Variants in SNTB1 observed in about 807,000 individuals in gnomAD.
The protein encoded by SNTB1 is syntrophin beta 1, also known as beta-1-syntrophin.
Under a neutral mutation model 48.9 loss-of-function variants are expected in SNTB1, and 36 were observed. The ratio of observed to expected loss-of-function variants is 0.74; its 90% CI spans 0.56 to 0.97. The LOEUF (loss-of-function observed/expected upper bound fraction) is 0.97. SNTB1 is among the 50% of genes least tolerant of loss of function. The pLI, the probability that SNTB1 is intolerant of heterozygous loss-of-function variation, is 0.00. For synonymous variants in SNTB1, 299 were observed against 294.6 expected, an observed-to-expected ratio of 1.01 and a Z score of -0.15; for missense variants, 786 against 703.4, an observed-to-expected ratio of 1.12 and a Z score of -1.33.
rs1339835586 is a variant in SNTB1, at chr8:120,772,527, G to A, written c.571+38746C>T. 2.6e-5 allele frequency among the ~76,000 whole-genome samples: 4 copies of A among 152,192 alleles called. No homozygotes were observed. In the East Asian group the frequency reaches 7.7e-4, roughly 29 times the overall value. The stretch of plus-strand genomic sequence containing the variant: ...CTCCAAAAGTGCTAGGATTACAGGT[G>A]TGAGCCACCATGCCCAGCCAGGGGC... On this transcript the variant is annotated intron_variant, in intron 1 of 6. Transcript: ENST00000517992.
chr8:120,567,350 TAAAGC>T (rs1815769567), intron 4 of SNTB1, among the ~76,000 whole-genome samples: 1 of 151,176 alleles, frequency 6.6e-6, no homozygotes, highest in African/African-American at 2.4e-5. Flanking sequence ...AGAATCCACC[TAAAGC>T]ACGTAGCCTT....
rs185367671 is a variant in SNTB1, at chr8:120,541,711, C to T, written c.1524+99G>A. ...ATAAAACATGGGCTTGCAAGCACATCATTAGCAGTCAAATGCCGAATAAGA... is the reference window on the plus strand; with the variant it reads ...ATAAAACATGGGCTTGCAAGCACATTATTAGCAGTCAAATGCCGAATAAGA... On this transcript the variant is annotated intron_variant, in intron 6 of 6. Transcript: ENST00000517992. 1.8e-3 allele frequency: 1,415 copies of T among 798,866 alleles called. 4 individuals are homozygous for T. Among genetic ancestry groups the T allele is most frequent in the Middle Eastern group, 2.2e-3 (7 of 3,202 alleles). 49.5% of individuals were successfully genotyped at this position (798,866 alleles called of 1,614,324 possible). A position where few individuals can be genotyped will look rare whatever the true frequency, so the allele number is the denominator to read the frequency against.
At chr8:120,628,778 T>C (rs546366217) in intron 3 of SNTB1, among the ~76,000 whole-genome samples, 11 of 151,058 alleles carry the variant, frequency 7.3e-5, no homozygotes, top group African/African-American at 2.4e-4. Context: ...AAGAAAGAGT[T>C]GAGGCTAATA....
At position 120,601,722 on chromosome 8, in the gene SNTB1, T is replaced by C. The variant is rs527976729; in HGVS notation, c.997-26497A>G. Among the ~76,000 whole-genome samples the C allele has an allele frequency of 1.1e-4, 16 of 152,308 alleles. No individual in the cohort carries two copies. The South Asian group carries it at 2.9e-3, about 28-fold the overall frequency. ...TATTTTTATGTCTTTGAAGCTGCCATGCCAAAACAGCCTCCTCCAAATAAA... is the reference window on the plus strand; with the variant it reads ...TATTTTTATGTCTTTGAAGCTGCCACGCCAAAACAGCCTCCTCCAAATAAA... On this transcript the variant is annotated intron_variant, in intron 3 of 6. Coordinates refer to ENST00000517992, the MANE Select transcript of SNTB1 (RefSeq NM_021021.4).
At chr8:120,721,300 C>G (rs1181171995) in intron 1 of SNTB1, among the ~76,000 whole-genome samples, 2 of 152,108 alleles carry the variant, frequency 1.3e-5, no homozygotes, top group African/African-American at 2.4e-5. Context: ...GTTGGAACAC[C>G]AAAGTTTGGG....
intron 1 of SNTB1, among the ~76,000 whole-genome samples, chr8:120,710,747 A>G (rs937649341): frequency 6.6e-6 from 1 of 152,210 alleles, no homozygotes; most frequent in African/African-American, 2.4e-5. Context: ...GATCCTCCCC[A>G]GACACCAAAC....
At chr8:120,676,876 T>C (rs1176523426) in intron 2 of SNTB1, among the ~76,000 whole-genome samples, 4 of 151,906 alleles carry the variant, frequency 2.6e-5, no homozygotes, top group Non-Finnish European at 4.4e-5. Context: ...GGCAACATAG[T>C]GAGACCCTGT....
chr8:120,732,773 G>A (rs1818873003), intron 1 of SNTB1, among the ~76,000 whole-genome samples: 2 of 152,202 alleles, frequency 1.3e-5, no homozygotes, highest in South Asian at 4.1e-4. Flanking sequence ...TTGAACCCAC[G>A]AGGTGGAGGT....
chr8:120,597,559 G>T (rs887303726), intron 3 of SNTB1, among the ~76,000 whole-genome samples: 1 of 152,210 alleles, frequency 6.6e-6, no homozygotes, highest in African/African-American at 2.4e-5. Flanking sequence ...TGAAAAATGA[G>T]TATCCTTTAC....
At chr8:120,660,563 T>C (rs2129748016) in intron 2 of SNTB1, among the ~76,000 whole-genome samples, 1 of 152,352 alleles carries the variant, frequency 6.6e-6, no homozygotes, top group African/African-American at 2.4e-5. Context: ...TCCAGCACAC[T>C]AAAACCTTTT....
chr8:120,687,529 G>A (rs1818054500), intron 2 of SNTB1, among the ~76,000 whole-genome samples: 1 of 152,150 alleles, frequency 6.6e-6, no homozygotes, highest in Non-Finnish European at 1.5e-5. Flanking sequence ...ATCCTGGAAA[G>A]GAGGGTTTTC....
intron 1 of SNTB1, among the ~76,000 whole-genome samples, chr8:120,789,229 G>C (rs1007806424): frequency 1.3e-5 from 2 of 151,870 alleles, no homozygotes; most frequent in Non-Finnish European, 2.9e-5. Context: ...AAACCTCTGG[G>C]ATATAGCAAA....
At chr8:120,704,963 T>G (rs190150867) in intron 1 of SNTB1, among the ~76,000 whole-genome samples, 104 of 152,334 alleles carry the variant, frequency 6.8e-4, no homozygotes, top group African/African-American at 2.5e-3. Flanking sequence ...CATAAGAAAG[T>G]AATAGGATAT....
chr8:120,759,818 A>C (rs1238042354), intron 1 of SNTB1, among the ~76,000 whole-genome samples: 2 of 152,140 alleles, frequency 1.3e-5, no homozygotes, highest in African/African-American at 4.8e-5. Context: ...CCTTGAGAGA[A>C]GGCCTATGTC....
intron 2 of SNTB1, among the ~76,000 whole-genome samples, chr8:120,677,059 A>G (rs1480651917): frequency 1.8e-5 from 2 of 113,844 alleles, no homozygotes; most frequent in Admixed American, 1.7e-4. Context: ...GTGAGACCCT[A>G]TCTCAAAAAA....
chr8:120,585,596 A>G (rs1209013250), intron 3 of SNTB1, among the ~76,000 whole-genome samples: 2 of 152,220 alleles, frequency 1.3e-5, no homozygotes, highest in East Asian at 3.9e-4. Flanking sequence ...AGCTGGGGCA[A>G]AATTGGTCCC....
chr8:120,679,996 C>G (rs952782889), intron 2 of SNTB1, among the ~76,000 whole-genome samples: 5 of 152,218 alleles, frequency 3.3e-5, no homozygotes, highest in Non-Finnish European at 7.4e-5. Flanking sequence ...TTTTTCTTGC[C>G]TTAGTGTCTG....
At chr8:120,721,201 TA>T (rs1327586149) in intron 1 of SNTB1, among the ~76,000 whole-genome samples, 1 of 152,230 alleles carries the variant, frequency 6.6e-6, no homozygotes, top group African/African-American at 2.4e-5. Context: ...TTTCACTTTT[TA>T]ATGAGAATTT....
In SNTB1 at chr8:120,811,275, T is replaced by C; in HGVS notation, c.569A>G (p.Glu190Gly). The C allele has an allele frequency of 6.3e-7, 1 of 1,595,742 alleles. No homozygotes were observed. The change falls in exon 1 of 7, where the codon GAA becomes GGA. Residue 190 changes from glutamate (E) to glycine (G), a missense_variant and splice_region_variant. Physicochemically the swap from Glu to Gly is moderately conservative, Grantham distance 98. Transcript: ENST00000517992. ...CCCGCGCGCTGTTAACCCCTTACCT[T>C]CCAGCAGCACTTCCTTGCCCGCGCG... is the stretch of plus-strand genomic sequence containing the variant. ...LKRAGKEVLL[E>G]VKYMREATPY...
Sources: allele counts gnomAD v4.1 joint callset (sites outside exome capture counted in the v4.1 genomes callset), GRCh38; gene constraint gnomAD v4.1.1; transcripts MANE v1.5; gene names NCBI Gene and HGNC (gene_info 2026-07-23, HGNC 2026-07-21).